Variants in GLCE observed in about 807,000 individuals in gnomAD.
GLCE encodes D-glucuronyl C5-epimerase.
GLCE carries 19 observed loss-of-function variants against 47.9 expected under a neutral mutation model. That is an observed-to-expected ratio of 0.40 (90% CI 0.28 to 0.58). The LOEUF is 0.58. Among genes scored for constraint, GLCE ranks in the 20% least tolerant of loss-of-function variants. GLCE has a pLI of 0.48. For synonymous variants in GLCE, 245 were observed against 263.4 expected, an observed-to-expected ratio of 0.93 and a Z score of 0.68; for missense variants, 556 against 743.3, an observed-to-expected ratio of 0.75 and a Z score of 2.93.
chr15:69,257,210 G>A (rs2052938452), intron 3 of GLCE, among the ~76,000 whole-genome samples: 1 of 152,150 alleles, frequency 6.6e-6, no homozygotes, highest in Admixed American at 6.6e-5. Flanking sequence ...ACAGACCGAA[G>A]GATTATAGCC....
intron 1 of GLCE, among the ~76,000 whole-genome samples, chr15:69,183,461 A>G (rs2051778857): frequency 6.6e-6 from 1 of 152,228 alleles, no homozygotes; most frequent in Non-Finnish European, 1.5e-5. Flanking sequence ...CTGAAATGAA[A>G]TAATTACCTC....
intron 1 of GLCE, among the ~76,000 whole-genome samples, chr15:69,164,563 A>G (rs1362228439): frequency 6.6e-6 from 1 of 151,004 alleles, no homozygotes; most frequent in Admixed American, 6.6e-5. Flanking sequence ...TATATAAAAT[A>G]TGTGTATAAA....
chr15:69,196,854 T>A (rs1341857461), intron 1 of GLCE: 5 of 170,208 alleles, frequency 2.9e-5, no homozygotes, highest in African/African-American at 4.8e-5. Context: ...ATGAACCATT[T>A]CTTGATCAGA....
In GLCE at chr15:69,268,316, T is replaced by G; in HGVS notation, c.926T>G (p.Val309Gly). Residue 309 changes from valine to glycine, a missense_variant, in exon 5 of 5, where the codon GTT becomes GGT. Val to Gly is a moderately radical substitution (Grantham distance 109). Coordinates refer to ENST00000261858, the MANE Select transcript of GLCE (RefSeq NM_015554.3). ...TTGACAAATGGAAGTGTGTCCGTGG[T>G]TCTAGAGACCACAGAAAAGAATCAG... is the stretch of plus-strand genomic sequence containing the variant. Reference protein sequence around the residue: ...KFLTNGSVSVVLETTEKNQLF... With the variant: ...KFLTNGSVSVGLETTEKNQLF... 6.2e-7 allele frequency: 1 copy of G among 1,613,354 alleles called. No homozygotes were observed. The highest frequency in any genetic ancestry group is 8.5e-7 in the Non-Finnish European group (1 of 1,179,266).
chr15:69,181,651 G>C (rs761433474), intron 1 of GLCE, among the ~76,000 whole-genome samples: 5 of 152,158 alleles, frequency 3.3e-5, no homozygotes, highest in Non-Finnish European at 5.9e-5. Context: ...TGATAGAGTG[G>C]TGGGGAAATA....
chr15:69,165,375 G>A (rs188302438), intron 1 of GLCE, among the ~76,000 whole-genome samples: 362 of 152,216 alleles, frequency 2.4e-3, no homozygotes, highest in South Asian at 0.02. Flanking sequence ...GCAGTTTACT[G>A]AATGAGCCAT....
Position 69,268,243 on chromosome 15 carries a change from C to A in GLCE, c.853C>A (p.Gln285Lys). Residue 285 changes from glutamine (Q) to lysine (K), a missense_variant, in exon 5 of 5, where the codon CAA (glutamine) becomes AAA (lysine). Coordinates refer to ENST00000261858, the MANE Select transcript of GLCE (RefSeq NM_015554.3). ...AGAAACCAGTGAAGGTGTATCCTTG[C>A]AACTGGGAAACACAAAAGATTTTAT... ...APETSEGVSL[Q>K]LGNTKDFIIS... The A allele has an allele frequency of 6.2e-7, 1 of 1,606,666 alleles. No homozygotes were observed. Among genetic ancestry groups the A allele is most frequent in the Non-Finnish European group, 8.5e-7 (1 of 1,175,962 alleles).
rs1595772502 is a variant in GLCE, at chr15:69,235,027, C to G, written c.-13-20767C>G. Among the ~76,000 whole-genome samples the G allele has an allele frequency of 5.4e-5, 8 of 147,036 alleles. 2 individuals carry two copies. The highest frequency in any genetic ancestry group is 5.4e-4 in the Admixed American group (8 of 14,748). ...CTTATTTGGGAAAATGCTAACATAC[C>G]TTATAACAGATGTTTAACAAATATT... On this transcript the variant is annotated intron_variant, in intron 2 of 4. Coordinates refer to ENST00000261858, the MANE Select transcript of GLCE (RefSeq NM_015554.3).
At chr15:69,255,721 G>T (rs1165761068) in intron 2 of GLCE, 73 bp from the exon 3 acceptor site, 6 of 788,344 alleles carry the variant, frequency 7.6e-6, no homozygotes, top group South Asian at 7.1e-5. Context: ...AAAAAAAAAA[G>T]CAAAGAAAAC....
At chr15:69,161,429 G>A (rs1447482645) in intron 1 of GLCE, among the ~76,000 whole-genome samples, 2 of 151,954 alleles carry the variant, frequency 1.3e-5, no homozygotes, top group Non-Finnish European at 2.9e-5. Context: ...GGCGACCAGC[G>A]TCTGGCCGGG....
In GLCE at chr15:69,268,920, T is replaced by C; in HGVS notation, c.1530T>C (p.Asn510=). 6.2e-7 allele frequency: 1 copy of C among 1,614,106 alleles called. No homozygotes were observed. Among genetic ancestry groups the C allele is most frequent in the Non-Finnish European group, 8.5e-7 (1 of 1,179,964 alleles). ...YPTTPSSFVL[N]GFMYSLIGLY... ...CCACACCTAGCTCTTTTGTTTTAAA[T>C]GGCTTTATGTATTCTTTAATTGGGC... is the stretch of plus-strand genomic sequence containing the variant. Residue 510 remains asparagine, a synonymous_variant, in exon 5 of 5, where the codon AAT becomes AAC. Transcript: ENST00000261858.
chr15:69,262,997 A>G (rs2053035238), intron 4 of GLCE, among the ~76,000 whole-genome samples: 1 of 152,216 alleles, frequency 6.6e-6, no homozygotes, highest in African/African-American at 2.4e-5. Context: ...TATGCTATAC[A>G]CATAGCCCGA....
intron 2 of GLCE, among the ~76,000 whole-genome samples, chr15:69,229,643 C>A: frequency 6.7e-6 from 1 of 149,030 alleles, no homozygotes. Flanking sequence ...TTTTTTAAAG[C>A]AGTATAGTTA....
intron 2 of GLCE, among the ~76,000 whole-genome samples, chr15:69,229,832 G>T (rs2052497363): frequency 6.6e-6 from 1 of 151,692 alleles, no homozygotes; most frequent in Non-Finnish European, 1.5e-5. Flanking sequence ...AAAAAATGGA[G>T]ATTATCTAAT....
At chr15:69,182,955 C>T (rs1189727698) in intron 1 of GLCE, among the ~76,000 whole-genome samples, 3 of 152,086 alleles carry the variant, frequency 2.0e-5, no homozygotes, top group African/African-American at 7.2e-5. Flanking sequence ...GCTGTGATTG[C>T]ACCACTGCAC....
chr15:69,240,878 A>G (rs1036891303), intron 2 of GLCE, among the ~76,000 whole-genome samples: 8 of 152,166 alleles, frequency 5.3e-5, no homozygotes, highest in African/African-American at 1.9e-4. Flanking sequence ...GGAAGAGACC[A>G]GAACAAATTC....
chr15:69,250,805 TA>T (rs35971019), intron 2 of GLCE, among the ~76,000 whole-genome samples: 53,886 of 126,688 alleles, frequency 0.43, 10,175 homozygotes, highest in African/African-American at 0.51. Context: ...TTTTTATAGT[TA>T]AAAAAAAAAA....
intron 3 of GLCE, among the ~76,000 whole-genome samples, chr15:69,257,088 A>C (rs2052936018): frequency 6.6e-6 from 1 of 152,142 alleles, no homozygotes; most frequent in Non-Finnish European, 1.5e-5. Context: ...TTAAGATCTT[A>C]ATATTTTAAA....
intron 1 of GLCE, among the ~76,000 whole-genome samples, chr15:69,190,357 C>CTT (rs1376816793): frequency 2.6e-5 from 4 of 151,990 alleles, no homozygotes; most frequent in African/African-American, 9.7e-5. Flanking sequence ...AAGTTTTTGT[C>CTT]TACTAGTTGT....
Sources: gnomAD v4.1 joint callset for allele counts (sites outside exome capture counted in the v4.1 genomes callset) on GRCh38, gnomAD v4.1.1 for gene constraint, MANE v1.5 for transcripts, NCBI Gene and HGNC (gene_info 2026-07-23, HGNC 2026-07-21) for gene names.